The following SEMA6D variants were observed in gnomAD, a reference collection of about 807,000 sequenced individuals.
SEMA6D encodes semaphorin-6D.
In SEMA6D, 35 loss-of-function variants were observed where a neutral mutation model predicts 106.6. The observed-to-expected ratio is 0.33, with a 90% CI of 0.25 to 0.44. SEMA6D has a LOEUF of 0.44. Ranked by LOEUF, SEMA6D falls within the 20% of genes least tolerant of loss-of-function variation. The pLI is 1.00. For missense variants in SEMA6D, 1,185 were observed against 1,345.9 expected (o/e 0.88, Z 1.87); for synonymous variants, 499 against 487.7 (o/e 1.02, Z -0.31).
Position 47,491,918 on chromosome 15 carries a change from A to G in SEMA6D, c.-87+21373A>G, listed in dbSNP as rs1026757363. 1.1e-4 allele frequency among the ~76,000 whole-genome samples: 17 copies of G among 152,188 alleles called. 1 individual carries two copies. The South Asian group carries it at 3.5e-3, about 32-fold the overall frequency. ...TGGTTGAATTAATTAATAAACTCAC[A>G]AATTTGGCTTCTACTCCTTTCTATT... On this transcript the variant is annotated intron_variant, in intron 3 of 19. Transcript: ENST00000558014.
At chr15:47,351,052 G>C (rs1000064700) in intron 1 of SEMA6D, among the ~76,000 whole-genome samples, 1 of 152,090 alleles carries the variant, frequency 6.6e-6, no homozygotes, top group Non-Finnish European at 1.5e-5. Flanking sequence ...TAAATACCCT[G>C]CCCAGCTGTC....
At chr15:47,653,567 G>A (rs2077733861) in intron 4 of SEMA6D, among the ~76,000 whole-genome samples, 1 of 152,168 alleles carries the variant, frequency 6.6e-6, no homozygotes, top group Non-Finnish European at 1.5e-5. Context: ...TGGTTCTCTA[G>A]GAGCCACTTA....
chr15:47,334,467 C>T (rs1456189776), intron 1 of SEMA6D, among the ~76,000 whole-genome samples: 2 of 152,178 alleles, frequency 1.3e-5, no homozygotes, highest in Admixed American at 1.3e-4. Flanking sequence ...GGATCTGACA[C>T]TGTCTCCAGG....
intron 1 of SEMA6D, among the ~76,000 whole-genome samples, chr15:47,202,234 T>C (rs1894772210): frequency 6.6e-6 from 1 of 151,886 alleles, no homozygotes; most frequent in South Asian, 2.1e-4. Context: ...TTACACTGCG[T>C]CTCTAAAATA....
At chr15:47,628,915 G>T (rs181178624) in intron 4 of SEMA6D, among the ~76,000 whole-genome samples, 1 of 152,134 alleles carries the variant, frequency 6.6e-6, no homozygotes, top group Admixed American at 6.6e-5. Flanking sequence ...TATAGAAGCC[G>T]TGAGTTTTAG....
At chr15:47,350,002 C>T (rs1296369018) in intron 1 of SEMA6D, among the ~76,000 whole-genome samples, 2 of 152,110 alleles carry the variant, frequency 1.3e-5, no homozygotes, top group African/African-American at 4.8e-5. Context: ...ACAGTTGACT[C>T]ATTTCAGAAA....
At chr15:47,655,807 G>A (rs905340743) in intron 4 of SEMA6D, among the ~76,000 whole-genome samples, 9 of 152,206 alleles carry the variant, frequency 5.9e-5, no homozygotes, top group African/African-American at 2.2e-4. Flanking sequence ...CAGTAGTTGG[G>A]AATTCACCTA....
intron 3 of SEMA6D, among the ~76,000 whole-genome samples, chr15:47,515,467 G>C (rs2044359485): frequency 6.6e-6 from 1 of 152,154 alleles, no homozygotes; most frequent in Admixed American, 6.6e-5. Context: ...TTGACACATA[G>C]TAGGCTCTCA....
intron 1 of SEMA6D, among the ~76,000 whole-genome samples, chr15:47,309,592 G>A (rs1334110829): frequency 1.3e-5 from 2 of 152,138 alleles, no homozygotes; most frequent in Admixed American, 6.5e-5. Flanking sequence ...TATTTAGGAT[G>A]TTTTACTATC....
At chr15:47,527,672 G>A (rs1287868576) in intron 3 of SEMA6D, 1 of 152,240 alleles carries the variant, frequency 6.6e-6, no homozygotes, top group East Asian at 1.9e-4. Context: ...GGCATTTTGA[G>A]CAGTGGGGAA....
chr15:47,658,511 A>C (rs1305787068), intron 4 of SEMA6D, among the ~76,000 whole-genome samples: 1 of 152,210 alleles, frequency 6.6e-6, no homozygotes, highest in Non-Finnish European at 1.5e-5. Context: ...AAGTGATATA[A>C]GACCCCTGAA....
intron 3 of SEMA6D, among the ~76,000 whole-genome samples, chr15:47,482,902 G>A (rs2043192999): frequency 1.3e-5 from 2 of 152,244 alleles, no homozygotes; most frequent in East Asian, 1.9e-4. Flanking sequence ...TTCAATAAGT[G>A]TATATTGAGA....
At chr15:47,238,704 T>C (rs557236470) in intron 1 of SEMA6D, among the ~76,000 whole-genome samples, 13 of 152,010 alleles carry the variant, frequency 8.6e-5, no homozygotes, top group Admixed American at 2.0e-4. Flanking sequence ...GCAGAACCCA[T>C]GTAGATTTTC....
At chr15:47,741,837 A>G (rs780618459) in intron 1 of SEMA6D, among the ~76,000 whole-genome samples, 6 of 152,228 alleles carry the variant, frequency 3.9e-5, no homozygotes, top group Admixed American at 6.5e-5. Context: ...CCAATAAGCC[A>G]TAGATCCTGC....
chr15:47,634,481 A>G (rs1287389185), intron 4 of SEMA6D, among the ~76,000 whole-genome samples: 2 of 152,164 alleles, frequency 1.3e-5, no homozygotes, highest in Admixed American at 6.5e-5. Flanking sequence ...ACACCATGAC[A>G]GTGGAAAAGA....
intron 3 of SEMA6D, among the ~76,000 whole-genome samples, chr15:47,577,983 T>G (rs2076185784): frequency 6.6e-6 from 1 of 152,248 alleles, no homozygotes. Context: ...TAGCTTAATT[T>G]GTGGAGACCT....
chr15:47,255,489 G>C (rs1404570208), intron 1 of SEMA6D, among the ~76,000 whole-genome samples: 1 of 151,704 alleles, frequency 6.6e-6, no homozygotes, highest in African/African-American at 2.4e-5. Flanking sequence ...GATTTAGCTT[G>C]TTCGTGTTTT....
intron 1 of SEMA6D, among the ~76,000 whole-genome samples, chr15:47,200,410 G>A (rs1256220412): frequency 6.6e-6 from 1 of 151,842 alleles, no homozygotes; most frequent in Non-Finnish European, 1.5e-5. Flanking sequence ...CCTTCTCTGG[G>A]GTCAGAAAAT....
intron 3 of SEMA6D, among the ~76,000 whole-genome samples, chr15:47,510,282 T>G (rs1309911931): frequency 6.6e-6 from 1 of 152,128 alleles, no homozygotes; most frequent in African/African-American, 2.4e-5. Context: ...ACCCTCCTTA[T>G]GAGAATCTAA....
Sources: gnomAD v4.1 joint callset for allele counts (sites outside exome capture counted in the v4.1 genomes callset) on GRCh38, gnomAD v4.1.1 for gene constraint, MANE v1.5 for transcripts, NCBI Gene and HGNC (gene_info 2026-07-23, HGNC 2026-07-21) for gene names.